The following LIPE variants were observed in gnomAD, a reference collection of about 807,000 sequenced individuals.
The protein encoded by LIPE is hormone-sensitive lipase.
A neutral mutation model predicts 88.5 loss-of-function variants in LIPE; 66 were observed. The ratio of observed to expected loss-of-function variants is 0.75; its 90% confidence interval spans 0.61 to 0.91. The LOEUF (loss-of-function observed/expected upper bound fraction) is 0.91, where lower values mean the gene tolerates loss of function less well. LIPE is among the 40% of genes least tolerant of loss of function. The probability of loss-of-function intolerance (pLI) is 0.00; values close to 1 mark genes in which losing one functional copy is unlikely to be tolerated. For synonymous variants in LIPE, 570 were observed against 617.5 expected (o/e 0.92, Z 1.14); for missense variants, 1,346 against 1,434.7 (o/e 0.94, Z 1.00).
intron 1 of LIPE, among the ~76,000 whole-genome samples, chr19:42,421,592 C>G (rs1249827371): frequency 6.6e-6 from 1 of 152,234 alleles, no homozygotes; most frequent in Non-Finnish European, 1.5e-5. Context: ...GGCCCAGAAT[C>G]AAGTTTGGGC....
At chr19:42,424,319 G>A in intron 1 of LIPE, 1 of 458,754 alleles carries the variant, frequency 2.2e-6, no homozygotes, top group Non-Finnish European at 4.4e-6. Flanking sequence ...GCGGGAAACA[G>A]AGGAGGCTCG....
At position 42,408,420 on chromosome 19, in the gene LIPE, C is replaced by T; in HGVS notation, c.1420-98G>A. On this transcript the variant is annotated intron_variant, in intron 2 of 9. Transcript: ENST00000244289. The surrounding 1 kb of genome is among the most constrained non-coding windows in gnomAD (Gnocchi z 4.3). ...GATGTGCGGGGAAGACACATTCATT[C>T]AGTAAACGTTTCATGAGCTCCTACT... 1.0e-6 allele frequency: 1 copy of T among 970,130 alleles called. No individual in the cohort carries two copies. The highest frequency in any genetic ancestry group is 1.6e-6 in the Non-Finnish European group (1 of 606,682). 60.1% of individuals were successfully genotyped at this position (970,130 alleles called of 1,614,324 possible).
At position 42,408,338 on chromosome 19, in the gene LIPE, G is replaced by T. The variant is rs1040983034; in HGVS notation, c.1420-16C>A. ...CAGGCGTGAACTGTGGAGAGACGCGGCTGCGTCACCCACCGCTCAAGAGAG... is the reference window on the plus strand; with the variant it reads ...CAGGCGTGAACTGTGGAGAGACGCGTCTGCGTCACCCACCGCTCAAGAGAG... On this transcript the variant is annotated splice_polypyrimidine_tract_variant and intron_variant, in intron 2 of 9. Transcript: ENST00000244289. This position sits in a 1 kb window ranked among gnomAD's most constrained non-coding sequence, Gnocchi z 4.3. 2.1e-5 allele frequency: 34 copies of T among 1,606,490 alleles called. No homozygotes were observed. Among genetic ancestry groups the T allele is most frequent in the Non-Finnish European group, 2.9e-5 (34 of 1,173,336 alleles).
intron 1 of LIPE, chr19:42,412,375 C>T (rs2040400215): frequency 1.0e-6 from 1 of 985,952 alleles, no homozygotes; most frequent in Non-Finnish European, 1.2e-6. Context: ...CCCTCCTAGG[C>T]ATCTTCCGAG....
chr19:42,405,438 G>A lies in LIPE; in HGVS notation c.2489C>T (p.Ser830Phe). ...FRLGASSWLN[S>F]FLELSGRKSQ... ...CTTGCGCCCACTTAACTCCAGGAAG[G>A]AGTTGAGCCATGAGGAGGCACCCAG... The change falls in exon 8 of 10, where the codon TCC (serine) becomes TTC (phenylalanine). Residue 830 changes from serine (S) to phenylalanine (F), a missense_variant. Coordinates refer to ENST00000244289, the MANE Select transcript of LIPE (RefSeq NM_005357.4). 1 of 1,614,034 alleles carries A rather than the reference G, an allele frequency of 6.2e-7. No individual in the cohort carries two copies. Among genetic ancestry groups the A allele is most frequent in the Non-Finnish European group, 8.5e-7 (1 of 1,180,024 alleles).
At position 42,402,988 on chromosome 19, in the gene LIPE, G is replaced by T. The variant is rs758152151; in HGVS notation, c.2586C>A (p.Pro862=). The T allele has an allele frequency of 4.1e-5, 66 of 1,600,028 alleles. No homozygotes were observed. The highest frequency in any genetic ancestry group is 5.5e-5 in the Non-Finnish European group (65 of 1,176,678). Residue 862 remains proline (P), a synonymous_variant, in exon 9 of 10, where the codon CCC becomes CCA. Transcript: ENST00000244289. ...RSVSEAALAQ[P]QGPLGTDSLK... is the part of the protein sequence containing the mutation. ...GGGAATCCGTGCCCAGTGGGCCCTG[G>T]GGCTGGGCCAGTGCTGCTTCAGACA...
In LIPE at chr19:42,407,242, GGGGCCTCAGGGGCCA is replaced by G; in HGVS notation, c.2054_2068del (p.Leu685_Ala689del). 6.3e-7 allele frequency: 1 copy of G among 1,587,684 alleles called. No homozygotes were observed. The highest frequency in any genetic ancestry group is 1.3e-5 in the African/African-American group (1 of 74,632). On this transcript the variant is annotated inframe_deletion, in exon 6 of 10. Coordinates refer to ENST00000244289, the MANE Select transcript of LIPE (RefSeq NM_005357.4). The surrounding 1 kb of genome is among the most constrained non-coding windows in gnomAD (Gnocchi z 5.8). ...GCACTCCTCCAGCGCACGGGGGAAG[GGGGCCTCAGGGGCCA>G]GGGAGTAGTCGATGGAGATGATGGG...
intron 8 of LIPE, 127 bp downstream of exon 8, chr19:42,405,258 G>T: frequency 1.1e-6 from 1 of 929,382 alleles, no homozygotes; most frequent in Non-Finnish European, 1.6e-6. Flanking sequence ...GCCCACCTCA[G>T]CCTCCCAAAG....
rs754890422 is a variant in LIPE at position 42,406,351 on chromosome 19, A to G, written c.2175T>C (p.Ser725=). 9.3e-6 allele frequency: 15 copies of G among 1,614,116 alleles called. No individual in the cohort carries two copies. Among genetic ancestry groups the G allele is most frequent in the Middle Eastern group, 1.6e-4 (1 of 6,062 alleles). ...TGERICLAGD[S]AGGNLCFTVA... is the part of the protein sequence containing the mutation. ...CGGTGAAGCAGAGGTTCCCGCCTGC[A>G]CTGTCCCCCGCAAGGCAGATTCGTT... Residue 725 remains serine, a synonymous_variant, in exon 7 of 10, where the codon AGT becomes AGC. Coordinates refer to ENST00000244289, the MANE Select transcript of LIPE (RefSeq NM_005357.4). The surrounding 1 kb of genome is among the most constrained non-coding windows in gnomAD (Gnocchi z 5.7).
rs34318022 is a variant in LIPE, at chr19:42,412,194, C to T, written c.884-1352G>A. ...GCCCTGTTTCTTGGATGCCCTGTCA[C>T]CCAGGTCCTGAACAAGCTGCCCTTG... On this transcript the variant is annotated intron_variant, in intron 1 of 9. Coordinates refer to ENST00000244289, the MANE Select transcript of LIPE (RefSeq NM_005357.4). 5,821 of 857,372 alleles carry T rather than the reference C, an allele frequency of 6.8e-3. 16 individuals are homozygous for T. Among genetic ancestry groups the T allele is most frequent in the Non-Finnish European group, 7.8e-3 (5,576 of 713,052 alleles). The allele number at this position is 857,372 out of a possible 1,614,324, so 53.1% of individuals were successfully genotyped here. A position where few individuals can be genotyped will look rare whatever the true frequency, so the allele number is the denominator to read the frequency against.
At position 42,405,370 on chromosome 19, in the gene LIPE, G is replaced by C; in HGVS notation, c.2542+15C>G. On this transcript the variant is annotated intron_variant, in intron 8 of 9. Coordinates refer to ENST00000244289, the MANE Select transcript of LIPE (RefSeq NM_005357.4). ...CCCACCCTGGCTGGGCATGTGACGG[G>C]AGTGAATCACTCACCTGCTATGGGC... 1.9e-6 allele frequency: 3 copies of C among 1,611,046 alleles called. No homozygotes were observed. Among genetic ancestry groups the C allele is most frequent in the Non-Finnish European group, 2.5e-6 (3 of 1,179,050 alleles).
chr19:42,401,961 T>C lies in LIPE; in HGVS notation c.3082A>G (p.Thr1028Ala). 1 of 1,556,614 alleles carries C rather than the reference T, an allele frequency of 6.4e-7. No homozygotes were observed. Among genetic ancestry groups the C allele is most frequent in the Non-Finnish European group, 8.7e-7 (1 of 1,154,676 alleles). ...GTCTCGCGGCACAGCGCCGCTAGGGTCAGGAAGCCGTGCGGCAGGTCCTCC... is the reference window on the plus strand; with the variant it reads ...GTCTCGCGGCACAGCGCCGCTAGGGCCAGGAAGCCGTGCGGCAGGTCCTCC... ...VVEDLPHGFL[T>A]LAALCRETRQ... The change falls in exon 10 of 10, where the codon ACC becomes GCC. Residue 1028 changes from threonine to alanine, a missense_variant. Thr to Ala is a moderately conservative substitution (Grantham distance 58). Coordinates refer to ENST00000244289, the MANE Select transcript of LIPE (RefSeq NM_005357.4).
At chr19:42,419,243 A>G (rs1056012919) in intron 1 of LIPE, among the ~76,000 whole-genome samples, 6 of 152,136 alleles carry the variant, frequency 3.9e-5, no homozygotes, top group African/African-American at 1.4e-4. Context: ...ACACCATTGC[A>G]CTCCAGCCTC....
Position 42,416,439 on chromosome 19 carries a change from T to C in LIPE, c.884-5597A>G, listed in dbSNP as rs1238295640. Among the ~76,000 whole-genome samples, 4 of 152,318 alleles carry C rather than the reference T, an allele frequency of 2.6e-5. No homozygotes were observed. The East Asian group carries it at 7.7e-4, about 29-fold the overall frequency. Reference sequence around the variant, plus strand: ...AGCTAAGATCATTGATGAAGACGGCTACATTAAGCAACATATTTTCAGTGT... The same window carrying C: ...AGCTAAGATCATTGATGAAGACGGCCACATTAAGCAACATATTTTCAGTGT... On this transcript the variant is annotated intron_variant, in intron 1 of 9. Coordinates refer to ENST00000244289, the MANE Select transcript of LIPE (RefSeq NM_005357.4).
chr19:42,406,496 G>GCCCCACACCCCACCT lies in LIPE; in HGVS notation c.2138-109_2138-108insAGGTGGGGTGTGGGG. 2.2e-6 allele frequency: 2 copies of GCCCCACACCCCACCT among 898,102 alleles called. No homozygotes were observed. The highest frequency in any genetic ancestry group is 1.8e-6 in the Non-Finnish European group (1 of 566,038). 55.6% of individuals were successfully genotyped at this position (898,102 alleles called of 1,614,324 possible). The stretch of plus-strand genomic sequence containing the variant: ...AGAACTGGGCTCTCCAAGGTGGGGT[G>GCCCCACACCCCACCT]TGGGGCACTCCAAGGCCTAGCAGAC... On this transcript the variant is annotated intron_variant, in intron 6 of 9. Coordinates refer to ENST00000244289, the MANE Select transcript of LIPE (RefSeq NM_005357.4). This position sits in a 1 kb window ranked among gnomAD's most constrained non-coding sequence, Gnocchi z 5.7.
chr19:42,419,875 C>T (rs1042009850), intron 1 of LIPE, among the ~76,000 whole-genome samples: 5 of 152,072 alleles, frequency 3.3e-5, no homozygotes, highest in Admixed American at 3.3e-4. Flanking sequence ...CGTGCCTGGT[C>T]TCTTTCTCTG....
Position 42,410,413 on chromosome 19 carries a change from G to C in LIPE, c.1313C>G (p.Pro438Arg), listed in dbSNP as rs766456953. Residue 438 changes from proline (P) to arginine (R), a missense_variant, in exon 2 of 10, where the codon CCG becomes CGG. Transcript: ENST00000244289. The surrounding 1 kb of genome is among the most constrained non-coding windows in gnomAD (Gnocchi z 6.1). ...YAQRLLVTNR[P>R]GVLFFEGDEG... The stretch of plus-strand genomic sequence containing the variant: ...GTCGCCCTCAAAGAAGAGTACCCCC[G>C]GCCGATTGGTAACCAGCAGGCGCTG... 6.2e-7 allele frequency: 1 copy of C among 1,614,172 alleles called. No individual in the cohort carries two copies.
chr19:42,401,843 C>G lies in LIPE; in HGVS notation c.3200G>C (p.Gly1067Ala). 6.6e-7 allele frequency: 1 copy of G among 1,514,038 alleles called. No homozygotes were observed. Among genetic ancestry groups the G allele is most frequent in the South Asian group, 1.2e-5 (1 of 80,190 alleles). The allele number at this position is 1,514,038 out of a possible 1,614,324, so 93.8% of individuals were successfully genotyped here. Reference protein sequence around the residue: ...AGPSGETGAAGVDGGCGGRH With the variant: ...AGPSGETGAAAVDGGCGGRH ...TCGCCCCCCGCAGCCCCCGTCTACCCCCGCAGCCCCCGTCTCCCCGCTCGG... is the reference window on the plus strand; with the variant it reads ...TCGCCCCCCGCAGCCCCCGTCTACCGCCGCAGCCCCCGTCTCCCCGCTCGG... Residue 1067 changes from glycine (G) to alanine (A), a missense_variant, in exon 10 of 10, where the codon GGG becomes GCG. Transcript: ENST00000244289.
chr19:42,405,765 T>C, intron 7 of LIPE: 2 of 581,260 alleles, frequency 3.4e-6, no homozygotes, highest in Admixed American at 3.2e-5. Flanking sequence ...AGCCCAGGAG[T>C]TCAAGACCAG....
Sources: gnomAD v4.1 joint callset for allele counts (sites outside exome capture counted in the v4.1 genomes callset) on GRCh38, gnomAD v4.1.1 for gene constraint, Gnocchi (gnomAD v3.1) non-coding constraint, MANE v1.5 for transcripts, NCBI Gene and HGNC (gene_info 2026-07-23, HGNC 2026-07-21) for gene names.